The following MCM9 variants were observed in gnomAD, a reference collection of about 807,000 sequenced individuals.
MCM9 encodes DNA helicase MCM9.
In MCM9, 55 loss-of-function variants were observed where a neutral mutation model predicts 72.8. The ratio of observed to expected loss-of-function variants is 0.76; its 90% CI spans 0.61 to 0.95. The LOEUF (loss-of-function observed/expected upper bound fraction) is 0.95, where lower values mean the gene tolerates loss of function less well. MCM9 is among the 40% of genes least tolerant of loss of function. MCM9 has a pLI of 0.00. For missense variants in MCM9, 1,279 were observed against 1,377.0 expected (o/e 0.93, Z 1.13); for synonymous variants, 480 against 503.4 (o/e 0.95, Z 0.62).
chr6:118,866,715 T>C (rs1013559260), intron 8 of MCM9, among the ~76,000 whole-genome samples: 1 of 152,104 alleles, frequency 6.6e-6, no homozygotes, highest in Middle Eastern at 3.2e-3. Context: ...AACTTACGTA[T>C]TATTGGCATG....
At chr6:118,864,575 C>T (rs1442020752) in intron 8 of MCM9, among the ~76,000 whole-genome samples, 2 of 151,996 alleles carry the variant, frequency 1.3e-5, no homozygotes, top group African/African-American at 2.4e-5. Context: ...AAAATTTCCA[C>T]ATCAAATGGG....
At chr6:118,851,761 C>G (rs934242606) in intron 9 of MCM9, among the ~76,000 whole-genome samples, 1 of 149,140 alleles carries the variant, frequency 6.7e-6, no homozygotes, top group Non-Finnish European at 1.5e-5. Flanking sequence ...GTGGCTAAGA[C>G]AAAACAGAAA....
chr6:118,905,943 G>A, intron 8 of MCM9: 1 of 735,312 alleles, frequency 1.4e-6, no homozygotes, highest in Non-Finnish European at 2.1e-6. Flanking sequence ...TAAATATGAG[G>A]TCCTTATGCC....
chr6:118,893,945 G>T, intron 8 of MCM9: 1 of 916,314 alleles, frequency 1.1e-6, no homozygotes, highest in Non-Finnish European at 1.3e-6. Flanking sequence ...ACGCCTCCCC[G>T]CCGCGGCCAC....
intron 9 of MCM9, among the ~76,000 whole-genome samples, chr6:118,850,293 A>G (rs933234239): frequency 2.6e-5 from 4 of 151,874 alleles, no homozygotes; most frequent in African/African-American, 9.7e-5. Flanking sequence ...TGTTGATATA[A>G]TATTTCTGAA....
intron 6 of MCM9, 116 bp from the exon 7 acceptor site, chr6:118,913,536 G>T: frequency 7.8e-7 from 1 of 1,275,032 alleles, no homozygotes. Flanking sequence ...TATGTGAAGT[G>T]ATCAGGAGGT....
chr6:118,871,141 A>C lies in MCM9; in HGVS notation c.1151-14596T>G, dbSNP rs1438980353. On this transcript the variant is annotated intron_variant, in intron 8 of 13. Coordinates refer to ENST00000619706, the MANE Select transcript of MCM9 (RefSeq NM_017696.3). ...AATACCAAAGCCAGAAAAAGACACT[A>C]CAAAAAAAATTTACAGGCCAATATC... is the stretch of plus-strand genomic sequence containing the variant. Among the ~76,000 whole-genome samples the C allele has an allele frequency of 2.0e-5, 3 of 152,306 alleles. No homozygotes were observed. In the South Asian group the frequency reaches 6.2e-4, roughly 32 times the overall value.
chr6:118,862,175 G>T (rs1776947687), intron 8 of MCM9, among the ~76,000 whole-genome samples: 1 of 152,230 alleles, frequency 6.6e-6, no homozygotes, highest in Non-Finnish European at 1.5e-5. Context: ...TCAGGGGAAG[G>T]GGGGCTTCCT....
At chr6:118,896,002 C>T (rs1005621013) in intron 8 of MCM9, among the ~76,000 whole-genome samples, 1 of 150,224 alleles carries the variant, frequency 6.7e-6, no homozygotes, top group Non-Finnish European at 1.5e-5. Context: ...GCCCTATCTC[C>T]TTTCGGTAAT....
chr6:118,864,498 C>T (rs979710511), intron 8 of MCM9, among the ~76,000 whole-genome samples: 3 of 152,076 alleles, frequency 2.0e-5, no homozygotes, highest in African/African-American at 7.3e-5. Flanking sequence ...CATCTATTCA[C>T]GAATCAGTTC....
intron 8 of MCM9, among the ~76,000 whole-genome samples, chr6:118,886,939 TAAA>T (rs951365313): frequency 1.3e-5 from 2 of 151,942 alleles, no homozygotes; most frequent in Non-Finnish European, 2.9e-5. Context: ...TGCTCCAGCC[TAAA>T]AAACAGAGCA....
intron 8 of MCM9, among the ~76,000 whole-genome samples, chr6:118,899,837 AGT>A (rs1779681324): frequency 6.6e-6 from 1 of 152,226 alleles, no homozygotes; most frequent in Non-Finnish European, 1.5e-5. Context: ...CTTGTGTAAC[AGT>A]GTGTTGAATG....
At chr6:118,870,738 AAGAG>A (rs996848323) in intron 8 of MCM9, among the ~76,000 whole-genome samples, 7 of 152,228 alleles carry the variant, frequency 4.6e-5, no homozygotes, top group South Asian at 4.1e-4. Flanking sequence ...CACGAGGAAA[AAGAG>A]AGAAGACTCA....
chr6:118,913,038 T>G, intron 7 of MCM9: 1 of 354,448 alleles, frequency 2.8e-6, no homozygotes, highest in Non-Finnish European at 5.1e-6. Context: ...AAGATTTTAT[T>G]TTGTGGCATC....
chr6:118,924,197 T>A, intron 3 of MCM9, 70 bp from the exon 4 acceptor site: 1 of 1,323,510 alleles, frequency 7.6e-7, no homozygotes, highest in Middle Eastern at 1.9e-4. Context: ...TATATTCTTC[T>A]CCTATTTCCT....
At chr6:118,880,029 A>AAAAC (rs542062706) in intron 8 of MCM9, among the ~76,000 whole-genome samples, 1 of 151,806 alleles carries the variant, frequency 6.6e-6, no homozygotes, top group African/African-American at 2.4e-5. Context: ...GAGAGTGCAC[A>AAAAC]AAACAAACAA....
chr6:118,889,433 C>A (rs1177678821), intron 8 of MCM9, among the ~76,000 whole-genome samples: 1 of 152,128 alleles, frequency 6.6e-6, no homozygotes, highest in Non-Finnish European at 1.5e-5. Context: ...AGTGGTCTAG[C>A]CTAGAGATGT....
At chr6:118,828,451 T>C (rs1774314875) in intron 10 of MCM9, among the ~76,000 whole-genome samples, 1 of 151,980 alleles carries the variant, frequency 6.6e-6, no homozygotes, top group Admixed American at 6.6e-5. Context: ...AGTAGCACGA[T>C]CTCTGTTCAC....
At chr6:118,843,804 G>C (rs1775674594) in intron 9 of MCM9, among the ~76,000 whole-genome samples, 1 of 148,118 alleles carries the variant, frequency 6.8e-6, no homozygotes, top group African/African-American at 2.5e-5. Flanking sequence ...TGCATTAAAG[G>C]GAAATGATAA....
Sources: allele counts gnomAD v4.1 joint callset (sites outside exome capture counted in the v4.1 genomes callset), GRCh38; gene constraint gnomAD v4.1.1; transcripts MANE v1.5; gene names NCBI Gene and HGNC (gene_info 2026-07-23, HGNC 2026-07-21).